The following ZSCAN5A variants were observed in gnomAD, a reference collection of about 807,000 sequenced individuals.
ZSCAN5A encodes zinc finger and SCAN domain-containing protein 5A.
In ZSCAN5A, 12 loss-of-function variants were observed where a neutral mutation model predicts 23.7. That is an observed-to-expected ratio of 0.51 (90% CI 0.32 to 0.82). ZSCAN5A has a LOEUF of 0.82. Ranked by LOEUF, ZSCAN5A falls within the 40% of genes least tolerant of loss-of-function variation. The pLI, the probability that ZSCAN5A is intolerant of heterozygous loss-of-function variation, is 0.03. For missense variants in ZSCAN5A, 597 were observed against 617.9 expected (o/e 0.97, Z 0.36); for synonymous variants, 257 against 239.9 (o/e 1.07, Z -0.66).
intron 2 of ZSCAN5A, among the ~76,000 whole-genome samples, chr19:56,230,915 T>C (rs1271118098): frequency 1.3e-5 from 2 of 152,250 alleles, no homozygotes; most frequent in African/African-American, 4.8e-5. Flanking sequence ...GAGCACTGAA[T>C]ATCTCATGTC....
chr19:56,240,179 GA>G (rs113940738), intron 2 of ZSCAN5A, among the ~76,000 whole-genome samples: 13 of 146,466 alleles, frequency 8.9e-5, no homozygotes, highest in Admixed American at 2.0e-4. Context: ...ACCAAAAGAA[GA>G]AAAAAAAACC....
chr19:56,287,073 A>G (rs1182252927), intron 2 of ZSCAN5A, among the ~76,000 whole-genome samples: 1 of 152,122 alleles, frequency 6.6e-6, no homozygotes, highest in Non-Finnish European at 1.5e-5. Context: ...CACCCCCACC[A>G]TTCCATGGAT....
chr19:56,278,640 T>G (rs2038445897), intron 2 of ZSCAN5A, among the ~76,000 whole-genome samples: 1 of 152,206 alleles, frequency 6.6e-6, no homozygotes, highest in South Asian at 2.1e-4. Flanking sequence ...CTCACTCAGT[T>G]GTGGGGTCTG....
intron 2 of ZSCAN5A, chr19:56,322,245 CT>C: frequency 9.1e-7 from 1 of 1,104,020 alleles, no homozygotes; most frequent in Non-Finnish European, 1.4e-6. Flanking sequence ...TGAGAAAGTC[CT>C]AAAACAGTTG....
At chr19:56,345,586 A>T (rs985928870) in intron 2 of ZSCAN5A, among the ~76,000 whole-genome samples, 1 of 152,218 alleles carries the variant, frequency 6.6e-6, no homozygotes, top group Admixed American at 6.5e-5. Flanking sequence ...AGGAGATTAA[A>T]GAGGGATGCC....
At chr19:56,269,941 A>G (rs2037728988) in intron 2 of ZSCAN5A, among the ~76,000 whole-genome samples, 1 of 152,160 alleles carries the variant, frequency 6.6e-6, no homozygotes, top group Admixed American at 6.5e-5. Flanking sequence ...TTTTATGGTA[A>G]TTTGTTATGG....
intron 2 of ZSCAN5A, among the ~76,000 whole-genome samples, chr19:56,302,437 TTC>T (rs1278704976): frequency 0.029 from 4,043 of 138,792 alleles, 192 homozygotes; most frequent in African/African-American, 0.1. Flanking sequence ...TCTCCCTTCC[TTC>T]CTTTCTTCCT....
At chr19:56,342,447 T>C (rs2147450144) in intron 2 of ZSCAN5A, 1 of 386,938 alleles carries the variant, frequency 2.6e-6, no homozygotes, top group South Asian at 2.6e-5. Context: ...AATTCTTGGG[T>C]TAAGCTCTGG....
chr19:56,256,635 CACTG>C (rs1352106981), intron 2 of ZSCAN5A, among the ~76,000 whole-genome samples: 1 of 152,108 alleles, frequency 6.6e-6, no homozygotes, highest in Non-Finnish European at 1.5e-5. Flanking sequence ...ACGGGGGAGA[CACTG>C]AGGAGATTTA....
Position 56,313,380 on chromosome 19 carries a change from C to T in ZSCAN5A, c.-225G>A, listed in dbSNP as rs1280543171. On this transcript the variant is annotated 5_prime_UTR_variant, in exon 2 of 6. Transcript: ENST00000683990. Reference sequence around the variant, plus strand: ...AGAGAAGAGAGCTTGAGCAGGGAACCTCCCCTTTATAAAAAACCATCAGAT... The same window carrying T: ...AGAGAAGAGAGCTTGAGCAGGGAACTTCCCCTTTATAAAAAACCATCAGAT... 6 of 197,314 alleles carry T rather than the reference C, an allele frequency of 3.0e-5. No individual in the cohort carries two copies. Among genetic ancestry groups the T allele is most frequent in the Non-Finnish European group, 4.4e-5 (4 of 91,584 alleles). 12.2% of individuals were successfully genotyped at this position (197,314 alleles called of 1,614,324 possible).
intron 2 of ZSCAN5A, among the ~76,000 whole-genome samples, chr19:56,360,037 C>T (rs1269398066): frequency 1.3e-5 from 2 of 152,156 alleles, no homozygotes; most frequent in Non-Finnish European, 2.9e-5. Flanking sequence ...CCTCTCTCAC[C>T]ACTCTTATTC....
At chr19:56,265,158 G>A (rs2037386093) in intron 2 of ZSCAN5A, among the ~76,000 whole-genome samples, 1 of 151,506 alleles carries the variant, frequency 6.6e-6, no homozygotes. Context: ...TGCTTATCCT[G>A]TATGTAATGT....
intron 2 of ZSCAN5A, among the ~76,000 whole-genome samples, chr19:56,268,451 T>C (rs1305173050): frequency 6.6e-6 from 1 of 152,266 alleles, no homozygotes; most frequent in Non-Finnish European, 1.5e-5. Context: ...CTGCTGCTGC[T>C]GCTGCTGGTT....
intron 2 of ZSCAN5A, chr19:56,321,654 C>G: frequency 9.6e-7 from 1 of 1,042,588 alleles, no homozygotes; most frequent in South Asian, 1.3e-5. Context: ...TGTCGTCCAT[C>G]ATAGTAGACA....
intron 2 of ZSCAN5A, among the ~76,000 whole-genome samples, chr19:56,227,387 A>T (rs1246741455): frequency 6.6e-6 from 1 of 152,226 alleles, no homozygotes; most frequent in East Asian, 1.9e-4. Flanking sequence ...TGGAATTAAA[A>T]GTGGTTTTGC....
intron 2 of ZSCAN5A, among the ~76,000 whole-genome samples, chr19:56,313,052 T>C (rs936662301): frequency 2.0e-5 from 3 of 152,240 alleles, no homozygotes; most frequent in African/African-American, 7.2e-5. Context: ...TGAGTTGATA[T>C]GGCTGTGTTT....
In ZSCAN5A at chr19:56,249,017, C is replaced by T. The variant is rs1002094043; in HGVS notation, c.-127-23844G>A. 5.9e-5 allele frequency among the ~76,000 whole-genome samples: 9 copies of T among 152,078 alleles called. 1 individual carries two copies. Among genetic ancestry groups the T allele is most frequent in the African/African-American group, 2.2e-4 (9 of 41,390 alleles). On this transcript the variant is annotated intron_variant, in intron 2 of 5. Transcript: ENST00000683990. ...ATGGGGGATATTTTCACTGCCCCCC[C>T]CGAATCCTCTCTGCTCTGCCTATTT... is the stretch of plus-strand genomic sequence containing the variant.
intron 2 of ZSCAN5A, among the ~76,000 whole-genome samples, chr19:56,228,097 A>G (rs1183713339): frequency 1.3e-5 from 2 of 152,164 alleles, no homozygotes; most frequent in Admixed American, 6.5e-5. Flanking sequence ...GAAGCGTTAC[A>G]TAACGAGTCA....
chr19:56,277,061 T>C (rs561178683), intron 2 of ZSCAN5A, among the ~76,000 whole-genome samples: 1 of 152,142 alleles, frequency 6.6e-6, no homozygotes, highest in East Asian at 1.9e-4. Context: ...CTAACTAACG[T>C]GGAGAAATCA....
Sources: allele counts gnomAD v4.1 joint callset (sites outside exome capture counted in the v4.1 genomes callset), GRCh38; gene constraint gnomAD v4.1.1; transcripts MANE v1.5; gene names NCBI Gene and HGNC (gene_info 2026-07-23, HGNC 2026-07-21).